NFAT5: variants seen among roughly 807,000 people sequenced by gnomAD.
NFAT5 encodes nuclear factor of activated T cells 5.
In NFAT5, 31 loss-of-function variants were observed where a neutral mutation model predicts 166.5. The observed-to-expected ratio is 0.19, with a 90% confidence interval of 0.14 to 0.25. The LOEUF (loss-of-function observed/expected upper bound fraction) is 0.25. NFAT5 is among the 10% of genes least tolerant of loss of function. The pLI is 1.00. For synonymous variants in NFAT5, 612 were observed against 639.7 expected, an observed-to-expected ratio of 0.96 and a Z score of 0.65; for missense variants, 1,449 against 1,821.8, an observed-to-expected ratio of 0.80 and a Z score of 3.72.
At chr16:69,644,129 T>A (rs1360191215) in intron 3 of NFAT5, among the ~76,000 whole-genome samples, 1 of 151,764 alleles carries the variant, frequency 6.6e-6, no homozygotes, top group African/African-American at 2.4e-5. Context: ...TACAAATAAT[T>A]TAAAAAGTAG....
At chr16:69,664,309 C>T (rs139245755) in intron 7 of NFAT5, among the ~76,000 whole-genome samples, 6,691 of 151,988 alleles carry the variant, frequency 0.044, 504 homozygotes, top group African/African-American at 0.15. Flanking sequence ...TTTTTTGAGA[C>T]GGAGTCTCAC....
intron 3 of NFAT5, among the ~76,000 whole-genome samples, chr16:69,639,148 C>G (rs560345794): frequency 6.6e-6 from 1 of 152,216 alleles, no homozygotes; most frequent in East Asian, 1.9e-4. Flanking sequence ...TGGAAAACAT[C>G]TTTTTCTTCC....
chr16:69,660,810 CTTTTT>C lies in NFAT5; in HGVS notation c.1369+917_1369+921del, dbSNP rs981895956. 2.8e-5 allele frequency among the ~76,000 whole-genome samples: 3 copies of C among 106,308 alleles called. No individual in the cohort carries two copies. The Admixed American group carries it at 2.8e-4, about 10-fold the overall frequency. The allele number at this position is 106,308 out of a possible 152,430, so 69.7% of individuals were successfully genotyped here. On this transcript the variant is annotated intron_variant, in intron 7 of 14. Coordinates refer to ENST00000349945, the MANE Select transcript of NFAT5 (RefSeq NM_138713.4). ...TTTTCCTTTTCACGTCTCTCTCTCT[CTTTTT>C]TTTTTCTTTTTTGAGATGGAGTTTC...
intron 2 of NFAT5, among the ~76,000 whole-genome samples, chr16:69,582,291 A>G (rs1309144893): frequency 6.6e-6 from 1 of 152,084 alleles, no homozygotes; most frequent in African/African-American, 2.4e-5. Flanking sequence ...AAATAAAATA[A>G]AATAAAATTG....
At chr16:69,688,352 C>G (rs1002468635) in intron 11 of NFAT5, among the ~76,000 whole-genome samples, 3 of 151,204 alleles carry the variant, frequency 2.0e-5, no homozygotes, top group Non-Finnish European at 4.4e-5. Context: ...AAGAAAAATA[C>G]AGACTGTATA....
intron 5 of NFAT5, 57 bp from the exon 6 acceptor site, chr16:69,655,551 AT>A: frequency 7.6e-7 from 1 of 1,314,854 alleles, no homozygotes; most frequent in Admixed American, 2.5e-5. Flanking sequence ...ATTTGATTTT[AT>A]AATTAGATTA....
At chr16:69,687,372 C>T (rs1184951703) in intron 11 of NFAT5, among the ~76,000 whole-genome samples, 1 of 141,326 alleles carries the variant, frequency 7.1e-6, no homozygotes, top group Non-Finnish European at 1.5e-5. Context: ...ATCCAGGAGG[C>T]GAAGGTTGTA....
intron 9 of NFAT5, among the ~76,000 whole-genome samples, chr16:69,671,715 A>G (rs1351433660): frequency 1.3e-5 from 2 of 152,202 alleles, no homozygotes; most frequent in Admixed American, 1.3e-4. Context: ...AGAATCAGCT[A>G]AAGGGAGAGA....
chr16:69,598,999 C>T (rs774238623), intron 2 of NFAT5, among the ~76,000 whole-genome samples: 10 of 133,354 alleles, frequency 7.5e-5, no homozygotes, highest in East Asian at 2.2e-4. Context: ...GGGCTCTGGG[C>T]GACAGAGTGA....
At chr16:69,625,872 A>G (rs931428599) in intron 2 of NFAT5, among the ~76,000 whole-genome samples, 3 of 152,118 alleles carry the variant, frequency 2.0e-5, no homozygotes, top group Middle Eastern at 3.4e-3. Flanking sequence ...AACATAAGGA[A>G]TAAAGCCAAG....
intron 2 of NFAT5, among the ~76,000 whole-genome samples, chr16:69,590,887 C>A (rs1032967423): frequency 6.6e-6 from 1 of 152,180 alleles, no homozygotes; most frequent in African/African-American, 2.4e-5. Flanking sequence ...TAGGCACGAT[C>A]TGGACCTTAA....
chr16:69,580,686 C>T (rs548660943), intron 2 of NFAT5, among the ~76,000 whole-genome samples: 3 of 152,190 alleles, frequency 2.0e-5, no homozygotes, highest in South Asian at 2.1e-4. Flanking sequence ...GATGGTGTCT[C>T]GCTCTGTCAC....
intron 2 of NFAT5, among the ~76,000 whole-genome samples, chr16:69,599,334 C>T (rs572085753): frequency 7.9e-5 from 12 of 152,096 alleles, no homozygotes; most frequent in South Asian, 2.1e-4. Flanking sequence ...CCCAGCACTT[C>T]GGGAGGCTGA....
chr16:69,608,709 G>A (rs1374504693), intron 2 of NFAT5, among the ~76,000 whole-genome samples: 1 of 150,794 alleles, frequency 6.6e-6, no homozygotes, highest in East Asian at 2.0e-4. Flanking sequence ...CTGCCTCCTG[G>A]GTTCACGCCA....
At chr16:69,648,912 A>G (rs1386253816) in intron 4 of NFAT5, 48 of 962,882 alleles carry the variant, frequency 5.0e-5, no homozygotes, top group Non-Finnish European at 5.8e-5. Context: ...GTACATTTTA[A>G]AAAGTAATAT....
intron 6 of NFAT5, 118 bp downstream of exon 6, chr16:69,655,917 T>C: frequency 1.4e-6 from 1 of 710,216 alleles, no homozygotes; most frequent in Non-Finnish European, 2.2e-6. Context: ...TTAAATATTA[T>C]GAATAAAAAA....
At chr16:69,602,374 CT>C (rs2033175523) in intron 2 of NFAT5, among the ~76,000 whole-genome samples, 1 of 149,896 alleles carries the variant, frequency 6.7e-6, no homozygotes, top group East Asian at 2.0e-4. Context: ...TCAAATGATT[CT>C]CCTGCCTCAG....
intron 3 of NFAT5, among the ~76,000 whole-genome samples, chr16:69,639,235 G>T (rs1031702092): frequency 1.3e-5 from 2 of 152,120 alleles, no homozygotes; most frequent in African/African-American, 4.8e-5. Flanking sequence ...TATACACTGT[G>T]CTTAGATCCT....
intron 10 of NFAT5, among the ~76,000 whole-genome samples, chr16:69,681,183 A>C (rs537466507): frequency 6.6e-6 from 1 of 152,334 alleles, no homozygotes; most frequent in East Asian, 1.9e-4. Context: ...TCAGTATGAC[A>C]AACTAATAGC....
Sources: gnomAD v4.1 joint callset for allele counts (sites outside exome capture counted in the v4.1 genomes callset) on GRCh38, gnomAD v4.1.1 for gene constraint, MANE v1.5 for transcripts, NCBI Gene and HGNC (gene_info 2026-07-23, HGNC 2026-07-21) for gene names.